The following ITGAE variants were observed in gnomAD, a reference collection of about 807,000 sequenced individuals.
ITGAE encodes the protein integrin subunit alpha E, also known as integrin alpha-E.
ITGAE carries 99 observed loss-of-function variants against 136.5 expected under a neutral mutation model. The observed-to-expected ratio is 0.73, with a 90% CI of 0.62 to 0.86. ITGAE has a LOEUF of 0.86. ITGAE is among the 40% of genes least tolerant of loss of function. ITGAE has a pLI of 0.00. For synonymous variants in ITGAE, 613 were observed against 591.8 expected, an observed-to-expected ratio of 1.04 and a Z score of -0.52; for missense variants, 1,447 against 1,515.3, an observed-to-expected ratio of 0.95 and a Z score of 0.75.
intron 21 of ITGAE, among the ~76,000 whole-genome samples, chr17:3,734,238 T>C (rs1597313032): frequency 9.1e-5 from 1 of 10,948 alleles, no homozygotes; most frequent in Non-Finnish European, 1.6e-4. Flanking sequence ...GCCCAGCTAA[T>C]TTTTTTTTGT....
At chr17:3,723,155 G>A in intron 28 of ITGAE, 133 bp downstream of exon 28, 2 of 658,590 alleles carry the variant, frequency 3.0e-6, no homozygotes, top group East Asian at 2.8e-5. Flanking sequence ...GGTTGGGACA[G>A]AGGGTTGGTT....
At chr17:3,755,704 G>C in intron 11 of ITGAE, 126 bp downstream of exon 11, 1 of 606,784 alleles carries the variant, frequency 1.6e-6, no homozygotes, top group Non-Finnish European at 2.8e-6. Context: ...AAATAAAATC[G>C]CTCTTTTACA....
chr17:3,731,034 G>T, intron 23 of ITGAE, 70 bp downstream of exon 23: 1 of 1,276,236 alleles, frequency 7.8e-7, no homozygotes, highest in Non-Finnish European at 1.1e-6. Context: ...TCCTCTCACA[G>T]CGTGCATGTG....
At chr17:3,726,383 T>C (rs747511779) in intron 26 of ITGAE, 3 of 1,310,740 alleles carry the variant, frequency 2.3e-6, no homozygotes, top group Non-Finnish European at 3.2e-6. Flanking sequence ...TCTTGAAGCC[T>C]CTGGTGCTGT....
Position 3,747,983 on chromosome 17 carries a change from G to T in ITGAE, c.2094C>A (p.Asn698Lys). ...FTPSALPIGF[N>K]GVVNVRLCFE... Reference sequence around the variant, plus strand: ...AACATAAACGGACATTCACGACGCCGTTGAAGCCGATGGGCAGTGCGCTGG... The same window carrying T: ...AACATAAACGGACATTCACGACGCCTTTGAAGCCGATGGGCAGTGCGCTGG... Residue 698 changes from asparagine (N) to lysine (K), a missense_variant, in exon 17 of 31, where the codon AAC becomes AAA. This residue lies in a region of ITGAE where 1,031 missense variants were observed against 1,011.4 expected (regional missense o/e 1.02). Transcript: ENST00000263087. 6.2e-7 allele frequency: 1 copy of T among 1,613,038 alleles called. No individual in the cohort carries two copies. Among genetic ancestry groups the T allele is most frequent in the South Asian group, 1.1e-5 (1 of 91,070 alleles).
At chr17:3,766,730 A>G (rs1273807522) in intron 2 of ITGAE, among the ~76,000 whole-genome samples, 1 of 151,746 alleles carries the variant, frequency 6.6e-6, no homozygotes, top group Non-Finnish European at 1.5e-5. Context: ...TGAACCTGGG[A>G]GGTGGAAGTT....
chr17:3,754,781 A>C, intron 12 of ITGAE: 4 of 291,704 alleles, frequency 1.4e-5, no homozygotes, highest in African/African-American at 2.5e-5. Flanking sequence ...GCCCTCGCCC[A>C]GGTGGCCTCT....
chr17:3,733,222 T>C (rs1361025146), intron 21 of ITGAE, among the ~76,000 whole-genome samples: 3 of 152,000 alleles, frequency 2.0e-5, no homozygotes, highest in Non-Finnish European at 4.4e-5. Context: ...TGACCTCAAG[T>C]GATCCACCCA....
chr17:3,771,588 T>C (rs1170728757), intron 2 of ITGAE, among the ~76,000 whole-genome samples: 1 of 150,022 alleles, frequency 6.7e-6, no homozygotes, highest in Non-Finnish European at 1.5e-5. Context: ...TTGCCCAGGC[T>C]GGAGTGCAAT....
chr17:3,758,915 G>A lies in ITGAE; in HGVS notation c.866+487C>T, dbSNP rs567274664. On this transcript the variant is annotated intron_variant, in intron 8 of 30. Transcript: ENST00000263087. ...CCGAGGCGGGCGGATCACGAGGTCA[G>A]GAGATCGAGACCATCCTGGCTAACA... Among the ~76,000 whole-genome samples, 3 of 151,704 alleles carry A rather than the reference G, an allele frequency of 2.0e-5. No homozygotes were observed. In the South Asian group the frequency reaches 6.3e-4, roughly 32 times the overall value.
At chr17:3,784,414 G>A (rs555747565) in intron 1 of ITGAE, 6 of 224,036 alleles carry the variant, frequency 2.7e-5, no homozygotes, top group Non-Finnish European at 4.3e-5. Context: ...TTTTTTTTTT[G>A]AGACGGAGTC....
At chr17:3,728,343 C>G in intron 24 of ITGAE, 175 bp from the exon 25 acceptor site, 4 of 571,040 alleles carry the variant, frequency 7.0e-6, no homozygotes, top group Middle Eastern at 9.6e-4. Flanking sequence ...GTTGGGATGA[C>G]AGGCATGAGC....
chr17:3,729,629 C>G, intron 23 of ITGAE, 74 bp from the exon 24 acceptor site: 1 of 989,574 alleles, frequency 1.0e-6, no homozygotes, highest in Non-Finnish European at 1.6e-6. Context: ...GGGCTTCGCT[C>G]TGTTGCCCAG....
intron 19 of ITGAE, among the ~76,000 whole-genome samples, chr17:3,742,064 C>T (rs987862674): frequency 6.6e-6 from 1 of 152,152 alleles, no homozygotes; most frequent in South Asian, 2.1e-4. Context: ...GCAACAAGGG[C>T]GAAACTCTGT....
chr17:3,756,684 C>T (rs1035257515), intron 10 of ITGAE, among the ~76,000 whole-genome samples: 3 of 152,200 alleles, frequency 2.0e-5, no homozygotes, highest in African/African-American at 7.2e-5. Context: ...GGATTATGGG[C>T]GTGAGCCACC....
intron 1 of ITGAE, among the ~76,000 whole-genome samples, chr17:3,796,152 T>TGTGTGTGTGTGCGCATCC (rs2053092522): frequency 7.6e-6 from 1 of 132,370 alleles, no homozygotes; most frequent in African/African-American, 3.1e-5. Flanking sequence ...TGCATCCGTG[T>TGTGTGTGTGTGCGCATCC]GTGTGTGTGT....
At chr17:3,730,465 A>G (rs553689537) in intron 23 of ITGAE, 2 of 150,158 alleles carry the variant, frequency 1.3e-5, no homozygotes, top group Admixed American at 6.6e-5. Context: ...AAATAAATAA[A>G]TAAATAAAAG....
rs2051334028 is a variant in ITGAE, at chr17:3,731,200, A to G, written c.2755-17T>C. ...AACATGAGCCTATTTTAAAGGGGGA[A>G]AAATGGTCAGTTGATTCTCTCTATG... On this transcript the variant is annotated splice_polypyrimidine_tract_variant and intron_variant, in intron 22 of 30. Coordinates refer to ENST00000263087, the MANE Select transcript of ITGAE (RefSeq NM_002208.5). The G allele has an allele frequency of 6.2e-7, 1 of 1,606,434 alleles. No homozygotes were observed. The highest frequency in any genetic ancestry group is 8.5e-7 in the Non-Finnish European group (1 of 1,173,162).
At chr17:3,755,285 C>A in intron 11 of ITGAE, 24 bp from the exon 12 acceptor site, 2 of 1,545,006 alleles carry the variant, frequency 1.3e-6, no homozygotes, top group Non-Finnish European at 1.7e-6. Flanking sequence ...GGATGGGGCC[C>A]AGATGAGTGG....
Sources: gnomAD v4.1 joint callset for allele counts (sites outside exome capture counted in the v4.1 genomes callset) on GRCh38, gnomAD v4.1.1 for gene constraint, gnomAD v4.1.1 regional missense constraint, MANE v1.5 for transcripts, NCBI Gene and HGNC (gene_info 2026-07-23, HGNC 2026-07-21) for gene names.